The following MFSD11 variants were observed in gnomAD, a reference collection of about 807,000 sequenced individuals.
MFSD11 encodes the protein major facilitator superfamily domain containing 11, also known as UNC93-like protein MFSD11.
In MFSD11, 36 loss-of-function variants were observed where a neutral mutation model predicts 53.5. The ratio of observed to expected loss-of-function variants is 0.67; its 90% CI spans 0.52 to 0.89. MFSD11 has a LOEUF of 0.89. Ranked by LOEUF, MFSD11 falls within the 40% of genes least tolerant of loss-of-function variation. MFSD11 has a pLI of 0.00. For missense variants in MFSD11, 530 were observed against 543.9 expected (o/e 0.97, Z 0.25); for synonymous variants, 186 against 184.9 (o/e 1.01, Z -0.05).
At chr17:76,796,446 C>T in the MFSD11 span, among the ~76,000 whole-genome samples, 2 of 152,164 alleles carry the variant, frequency 1.3e-5, no homozygotes, top group Non-Finnish European at 2.9e-5. Context: ...CTAATATCCT[C>T]GACATTGACT....
At chr17:76,753,154 A>G (rs933566925) in intron 7 of MFSD11, 2 of 152,188 alleles carry the variant, frequency 1.3e-5, no homozygotes, top group African/African-American at 4.8e-5. Context: ...TCGAGAGTAC[A>G]GTACCTGTCA....
intron 7 of MFSD11, among the ~76,000 whole-genome samples, chr17:76,745,885 T>A (rs193275318): frequency 2.0e-5 from 3 of 152,296 alleles, no homozygotes; most frequent in Admixed American, 2.0e-4. Context: ...TGGAGTGCAG[T>A]GGCATGATCT....
At chr17:76,768,492 A>C (rs1854705657) in intron 9 of MFSD11, among the ~76,000 whole-genome samples, 1 of 152,142 alleles carries the variant, frequency 6.6e-6, no homozygotes, top group Non-Finnish European at 1.5e-5. Context: ...TTTAGGTGAA[A>C]TAGAATAAAC....
intron 8 of MFSD11, among the ~76,000 whole-genome samples, chr17:76,766,276 G>A (rs952419917): frequency 3.3e-5 from 5 of 151,462 alleles, no homozygotes; most frequent in South Asian, 2.1e-4. Flanking sequence ...ATAATTAGCC[G>A]GGCATGGTGG....
intron 8 of MFSD11, among the ~76,000 whole-genome samples, chr17:76,766,738 A>G (rs1337041573): frequency 6.6e-6 from 1 of 152,228 alleles, no homozygotes; most frequent in East Asian, 1.9e-4. Context: ...TTTGTGTACT[A>G]GAGTAGTGGT....
At chr17:76,773,817 A>G (rs1252243750) in intron 10 of MFSD11, among the ~76,000 whole-genome samples, 3 of 152,152 alleles carry the variant, frequency 2.0e-5, no homozygotes, top group African/African-American at 7.2e-5. Context: ...CATGTTGGTC[A>G]GGATGGTCTT....
Position 76,742,158 on chromosome 17 carries a change from C to T in MFSD11, c.341-19C>T. On this transcript the variant is annotated intron_variant, in intron 4 of 12. Transcript: ENST00000685175. Reference sequence around the variant, plus strand: ...AAGTGAATTTCTTTCCCTTGATAAACTTTTGGGTTGAATTTTAGTGCTTTG... The same window carrying T: ...AAGTGAATTTCTTTCCCTTGATAAATTTTTGGGTTGAATTTTAGTGCTTTG... The T allele has an allele frequency of 6.2e-7, 1 of 1,613,880 alleles. No homozygotes were observed. The highest frequency in any genetic ancestry group is 8.5e-7 in the Non-Finnish European group (1 of 1,179,878).
At chr17:76,781,181 T>C (rs1249452198), downstream of MFSD11, 3 of 152,216 alleles carry the variant, frequency 2.0e-5, no homozygotes, top group East Asian at 3.9e-4. Flanking sequence ...CTCACTCGTA[T>C]AGTTGTTGCA....
At chr17:76,793,656 TG>T in the MFSD11 span, among the ~76,000 whole-genome samples, 2 of 151,520 alleles carry the variant, frequency 1.3e-5, no homozygotes, top group Non-Finnish European at 2.9e-5. Flanking sequence ...GGGTATTGAT[TG>T]GGGAAGTGAT....
chr17:76,769,718 G>A (rs1470634948), intron 9 of MFSD11, 28 bp from the exon 10 acceptor site: 10 of 1,549,104 alleles, frequency 6.5e-6, no homozygotes, highest in Non-Finnish European at 7.9e-6. Context: ...ATATATAAAT[G>A]ACATCTGTTT....
chr17:76,786,049 T>C (rs1475995668), downstream of MFSD11, among the ~76,000 whole-genome samples: 1 of 116,038 alleles, frequency 8.6e-6, no homozygotes, highest in Non-Finnish European at 1.7e-5. Context: ...CACTCCAGCA[T>C]AGGCAACAGA....
intron 8 of MFSD11, among the ~76,000 whole-genome samples, chr17:76,757,517 T>A (rs1210532140): frequency 6.6e-6 from 1 of 152,238 alleles, no homozygotes; most frequent in South Asian, 2.1e-4. Flanking sequence ...ATCATGACAT[T>A]CCTGTGGTTG....
intron 2 of MFSD11, 40 bp from the exon 3 acceptor site, chr17:76,740,917 C>CTTTTT: frequency 2.2e-6 from 2 of 900,310 alleles, no homozygotes; most frequent in Non-Finnish European, 3.4e-6. Flanking sequence ...GGGCTTTGTT[C>CTTTTT]TTTTTTTTTT....
chr17:76,765,143 AC>A (rs2144714140), intron 8 of MFSD11, among the ~76,000 whole-genome samples: 1 of 152,180 alleles, frequency 6.6e-6, no homozygotes, highest in East Asian at 1.9e-4. Flanking sequence ...TTTAGCTCTT[AC>A]ATTTAGGTCT....
the MFSD11 span, among the ~76,000 whole-genome samples, chr17:76,798,295 C>G: frequency 6.6e-6 from 1 of 152,108 alleles, no homozygotes; most frequent in Non-Finnish European, 1.5e-5. Flanking sequence ...GATGCAAAGC[C>G]TCTATGCCCC....
rs771330933 is a variant in MFSD11 at position 76,778,141 on chromosome 17, G to C, written c.1186-47G>C. 2.5e-6 allele frequency: 4 copies of C among 1,608,054 alleles called. No individual in the cohort carries two copies. In the African/African-American group the frequency reaches 4.0e-5, roughly 16 times the overall value. On this transcript the variant is annotated intron_variant, in intron 12 of 12. Coordinates refer to ENST00000685175, the MANE Select transcript of MFSD11 (RefSeq NM_001242532.5). ...GGGGCTAGGGGCTAACTGTGGCTCA[G>C]TGTGGCCCCCGGTGCGCCCGTTGTG...
At chr17:76,749,429 T>TG (rs994540900) in intron 7 of MFSD11, among the ~76,000 whole-genome samples, 2 of 151,452 alleles carry the variant, frequency 1.3e-5, no homozygotes, top group Admixed American at 6.6e-5. Flanking sequence ...CTTGAGAGAC[T>TG]GAGGTGGGAG....
In MFSD11 at chr17:76,738,147, A is replaced by G. The variant is rs1250791023; in HGVS notation, c.-206A>G. On this transcript the variant is annotated 5_prime_UTR_variant, in exon 1 of 13. Coordinates refer to ENST00000685175, the MANE Select transcript of MFSD11 (RefSeq NM_001242532.5). ...CTCTTCCGTACTCGGATCGCTTCTT[A>G]GGAGTATCCTAACTGCCGGTGGGGA... The G allele has an allele frequency of 1.7e-6, 1 of 600,296 alleles. No homozygotes were observed. The highest frequency in any genetic ancestry group is 2.9e-6 in the Non-Finnish European group (1 of 340,162). The allele number at this position is 600,296 out of a possible 1,614,324, so 37.2% of individuals were successfully genotyped here.
chr17:76,777,605 A>G (rs1037030149), intron 12 of MFSD11, among the ~76,000 whole-genome samples: 1 of 144,666 alleles, frequency 6.9e-6, no homozygotes, highest in Non-Finnish European at 1.5e-5. Context: ...TTTGTCTTGT[A>G]TTGTGTTTTT....
Sources: allele counts gnomAD v4.1 joint callset (sites outside exome capture counted in the v4.1 genomes callset), GRCh38; gene constraint gnomAD v4.1.1; transcripts MANE v1.5; gene names NCBI Gene and HGNC (gene_info 2026-07-23, HGNC 2026-07-21).